Variants in COL5A1 observed in about 807,000 individuals in gnomAD.
COL5A1 encodes the protein collagen type V alpha 1 chain.
In COL5A1, 16 loss-of-function variants were observed where a neutral mutation model predicts 263.7. The observed-to-expected ratio is 0.06, with a 90% CI of 0.04 to 0.09. The LOEUF is 0.09. Among genes scored for constraint, COL5A1 ranks in the 10% least tolerant of loss-of-function variants. COL5A1 has a pLI of 1.00. For synonymous variants in COL5A1, 1,012 were observed against 1,004.5 expected (o/e 1.01, Z -0.14); for missense variants, 2,036 against 2,540.5 (o/e 0.80, Z 4.27).
rs142917940 is a variant in COL5A1, at chr9:134,796,485, T to C, written c.2844+67T>C. The C allele has an allele frequency of 3.8e-4, 569 of 1,516,526 alleles. 4 individuals carry two copies. The African/African-American group carries it at 6.1e-3, about 16-fold the overall frequency. The allele number at this position is 1,516,526 out of a possible 1,614,324, so 93.9% of individuals were successfully genotyped here. On this transcript the variant is annotated intron_variant, in intron 35 of 65. Coordinates refer to ENST00000371817, the MANE Select transcript of COL5A1 (RefSeq NM_000093.5). ...CCTGCCTCGAATGCCCCCTGCACTTTGTCCTGGGGTGGGCTGGGGCCAGGG... is the reference window on the plus strand; with the variant it reads ...CCTGCCTCGAATGCCCCCTGCACTTCGTCCTGGGGTGGGCTGGGGCCAGGG...
intron 4 of COL5A1, among the ~76,000 whole-genome samples, chr9:134,726,300 ATGGATGGG>A (rs1297761570): frequency 6.6e-6 from 1 of 152,244 alleles, no homozygotes. Context: ...AGACAGATGA[ATGGATGGG>A]TGGATGGGTG....
chr9:134,659,368 G>A (rs1832130145), intron 1 of COL5A1, among the ~76,000 whole-genome samples: 2 of 152,156 alleles, frequency 1.3e-5, no homozygotes, highest in Non-Finnish European at 2.9e-5. Context: ...TAGCCTGAGC[G>A]ACAGAGACTC....
In COL5A1 at chr9:134,698,056, C is replaced by T. The variant is rs373695342; in HGVS notation, c.278-1853C>T. Reference sequence around the variant, plus strand: ...CCGAGATCTCACCACTGCACTCCAACCTGGGCGACAGAACGAGACTCTATC... The same window carrying T: ...CCGAGATCTCACCACTGCACTCCAATCTGGGCGACAGAACGAGACTCTATC... On this transcript the variant is annotated intron_variant, in intron 2 of 65. Transcript: ENST00000371817. Among the ~76,000 whole-genome samples the T allele has an allele frequency of 2.6e-3, 400 of 152,322 alleles. 4 individuals are homozygous for T. Among genetic ancestry groups the T allele is most frequent in the African/African-American group, 9.1e-3 (379 of 41,578 alleles).
At position 134,786,264 on chromosome 9, in the gene COL5A1, G is replaced by A. The variant is rs147295959; in HGVS notation, c.2646+216G>A. 3.6e-3 allele frequency among the ~76,000 whole-genome samples: 550 copies of A among 152,302 alleles called. 2 individuals are homozygous for A. The highest frequency in any genetic ancestry group is 0.012 in the African/African-American group (504 of 41,552). ...CAGCTATGTTAGGTGTCCCGGGACA[G>A]GTGGAGGGATGCTCCACCGGCCGTC... On this transcript the variant is annotated intron_variant, in intron 31 of 65. Coordinates refer to ENST00000371817, the MANE Select transcript of COL5A1 (RefSeq NM_000093.5).
At chr9:134,790,385 C>T (rs11103528) in intron 32 of COL5A1, among the ~76,000 whole-genome samples, 55,347 of 91,826 alleles carry the variant, frequency 0.6, 16,179 homozygotes, top group Middle Eastern at 0.63. Flanking sequence ...CATCCATCCA[C>T]CCACCCACCC....
At position 134,675,681 on chromosome 9, in the gene COL5A1, T is replaced by A. The variant is rs543408488; in HGVS notation, c.110-15231T>A. Among the ~76,000 whole-genome samples the A allele has an allele frequency of 2.6e-5, 4 of 152,292 alleles. No homozygotes were observed. In the South Asian group the frequency reaches 8.3e-4, roughly 32 times the overall value. On this transcript the variant is annotated intron_variant, in intron 1 of 65. Coordinates refer to ENST00000371817, the MANE Select transcript of COL5A1 (RefSeq NM_000093.5). ...ACATGACTTCAGGTTGAGTGGCTTG[T>A]TTGGGGCTGGGGGATCCATTTCTAG...
intron 37 of COL5A1, among the ~76,000 whole-genome samples, chr9:134,798,936 G>C (rs1241426066): frequency 1.3e-5 from 2 of 152,216 alleles, no homozygotes; most frequent in Non-Finnish European, 2.9e-5. Context: ...AATACTTCAA[G>C]AGGGCGGCTG....
At position 134,753,738 on chromosome 9, in the gene COL5A1, C is replaced by T. The variant is rs552791737; in HGVS notation, c.1720-112C>T. ...AGGTCGCGCTTTGTGTGCTGAGCAC[C>T]GTGGCCGAAGCCCTGTCCCCTCCCC... On this transcript the variant is annotated intron_variant, in intron 14 of 65. Coordinates refer to ENST00000371817, the MANE Select transcript of COL5A1 (RefSeq NM_000093.5). The T allele has an allele frequency of 4.7e-5, 37 of 784,432 alleles. No individual in the cohort carries two copies. In the Admixed American group the frequency reaches 6.0e-4, roughly 13 times the overall value. The allele number at this position is 784,432 out of a possible 1,614,324, so 48.6% of individuals were successfully genotyped here. A position where few individuals can be genotyped will look rare whatever the true frequency, so the allele number is the denominator to read the frequency against.
At chr9:134,689,742 T>C (rs1181543889) in intron 1 of COL5A1, among the ~76,000 whole-genome samples, 4 of 152,176 alleles carry the variant, frequency 2.6e-5, no homozygotes, top group African/African-American at 9.7e-5. Context: ...CATGCTCTGA[T>C]TGGCCAGCAG....
chr9:134,805,784 C>T (rs1838274528), intron 41 of COL5A1, among the ~76,000 whole-genome samples: 2 of 151,928 alleles, frequency 1.3e-5, no homozygotes, highest in African/African-American at 4.8e-5. Context: ...GAGGGGTTGC[C>T]CTGCAGGCAT....
rs768815073 is a variant in COL5A1, at chr9:134,822,137, C to T, written c.4595C>T (p.Pro1532Leu). Residue 1532 changes from proline to leucine, a missense_variant, in exon 59 of 66, where the codon CCC becomes CTC. Pro to Leu is a moderately conservative substitution (Grantham distance 98). This residue lies in a region of COL5A1 where 1,078 missense variants were observed against 1,521.4 expected (regional missense o/e 0.71). Transcript: ENST00000371817. Reference sequence around the variant, plus strand: ...TCTGGCCCGATTGGGCCTCCTGGGCCCCCTGGCCTGCCGGTGTGTATCTGG... The same window carrying T: ...TCTGGCCCGATTGGGCCTCCTGGGCTCCCTGGCCTGCCGGTGTGTATCTGG... ...GPSGPIGPPGPPGLPGPPGPK... is the reference protein window; with the variant it reads ...GPSGPIGPPGLPGLPGPPGPK... The T allele has an allele frequency of 1.2e-6, 2 of 1,613,776 alleles. No individual in the cohort carries two copies. The highest frequency in any genetic ancestry group is 1.7e-6 in the Non-Finnish European group (2 of 1,179,864).
In COL5A1 at chr9:134,678,054, T is replaced by C. The variant is rs1832730706; in HGVS notation, c.110-12858T>C. Among the ~76,000 whole-genome samples, 2 of 152,242 alleles carry C rather than the reference T, an allele frequency of 1.3e-5. No individual in the cohort carries two copies. Among genetic ancestry groups the C allele is most frequent in the African/African-American group, 4.8e-5 (2 of 41,470 alleles). On this transcript the variant is annotated intron_variant, in intron 1 of 65. Transcript: ENST00000371817. This position sits in a 1 kb window ranked among gnomAD's most constrained non-coding sequence, Gnocchi z 5.5. ...ATTGAGCCTCGCTCTGCCCTCATCA[T>C]GGCCCCAGTGCTCTCCCCAGCGTCA... is the stretch of plus-strand genomic sequence containing the variant.
chr9:134,784,957 G>GGGGCA, intron 29 of COL5A1, 32 bp from the exon 30 acceptor site: 1 of 1,534,434 alleles, frequency 6.5e-7, no homozygotes, highest in Non-Finnish European at 9.0e-7. Flanking sequence ...TGCGGGGGGT[G>GGGGCA]GTCTTCTCAC....
intron 4 of COL5A1, among the ~76,000 whole-genome samples, chr9:134,703,459 A>G (rs1331455822): frequency 6.6e-6 from 1 of 152,012 alleles, no homozygotes; most frequent in Admixed American, 6.5e-5. Flanking sequence ...GACATTGATG[A>G]GCTTTGAGAC....
intron 4 of COL5A1, among the ~76,000 whole-genome samples, chr9:134,722,254 G>T (rs189956571): frequency 6.6e-6 from 1 of 152,324 alleles, no homozygotes; most frequent in East Asian, 1.9e-4. Context: ...TGGTGGGCAG[G>T]CCACAAAGCA....
intron 1 of COL5A1, among the ~76,000 whole-genome samples, chr9:134,664,279 G>T (rs1002856127): frequency 6.6e-6 from 1 of 152,156 alleles, no homozygotes; most frequent in African/African-American, 2.4e-5. Context: ...GAAAACATGG[G>T]AGGCCAGGTT....
At chr9:134,792,588 C>T (rs1490960737) in intron 32 of COL5A1, among the ~76,000 whole-genome samples, 5 of 152,118 alleles carry the variant, frequency 3.3e-5, no homozygotes, top group East Asian at 1.9e-4. Context: ...CAGTTTCGAA[C>T]TCCTGACCTC....
chr9:134,792,686 C>CT (rs1837738503), intron 32 of COL5A1, among the ~76,000 whole-genome samples: 1 of 152,120 alleles, frequency 6.6e-6, no homozygotes, highest in African/African-American at 2.4e-5. Context: ...TTTAGAAGAT[C>CT]TTAGATATTC....
chr9:134,696,393 T>C lies in COL5A1; in HGVS notation c.278-3516T>C, dbSNP rs1833470239. ...GGATTCACCATGTTGGCCAGGCTGGTGTGGAACTCCTGACCTCAAGTGATC... is the reference window on the plus strand; with the variant it reads ...GGATTCACCATGTTGGCCAGGCTGGCGTGGAACTCCTGACCTCAAGTGATC... On this transcript the variant is annotated intron_variant, in intron 2 of 65. Transcript: ENST00000371817. The surrounding 1 kb of genome is among the most constrained non-coding windows in gnomAD (Gnocchi z 4.3). Among the ~76,000 whole-genome samples, 4 of 152,124 alleles carry C rather than the reference T, an allele frequency of 2.6e-5. No individual in the cohort carries two copies. Among genetic ancestry groups the C allele is most frequent in the Admixed American group, 2.6e-4 (4 of 15,276 alleles).
Sources: gnomAD v4.1 joint callset for allele counts (sites outside exome capture counted in the v4.1 genomes callset) on GRCh38, gnomAD v4.1.1 for gene constraint, gnomAD v4.1.1 regional missense constraint, Gnocchi (gnomAD v3.1) non-coding constraint, MANE v1.5 for transcripts, NCBI Gene and HGNC (gene_info 2026-07-23, HGNC 2026-07-21) for gene names.